ARFGEF2: variants seen among roughly 807,000 people sequenced by gnomAD.
ARFGEF2 encodes the protein brefeldin A-inhibited guanine nucleotide-exchange protein 2.
A neutral mutation model predicts 219.9 loss-of-function variants in ARFGEF2; 74 were observed. That is an observed-to-expected ratio of 0.34 (90% CI 0.28 to 0.41). ARFGEF2 has a LOEUF of 0.41. Among genes scored for constraint, ARFGEF2 ranks in the 10% least tolerant of loss-of-function variants. The pLI, the probability that ARFGEF2 is intolerant of heterozygous loss-of-function variation, is 1.00. For missense variants in ARFGEF2, 1,743 were observed against 2,218.3 expected, an observed-to-expected ratio of 0.79 and a Z score of 4.30; for synonymous variants, 733 against 799.2, an observed-to-expected ratio of 0.92 and a Z score of 1.40.
At chr20:48,954,532 T>A (rs2091094167) in intron 6 of ARFGEF2, among the ~76,000 whole-genome samples, 1 of 152,244 alleles carries the variant, frequency 6.6e-6, no homozygotes, top group Non-Finnish European at 1.5e-5. Flanking sequence ...ATACAAAATA[T>A]CTGACCTGTC....
chr20:49,025,882 C>T (rs931797297), intron 36 of ARFGEF2, among the ~76,000 whole-genome samples: 2 of 151,044 alleles, frequency 1.3e-5, no homozygotes, highest in Non-Finnish European at 2.9e-5. Context: ...CTTGGGAGGC[C>T]GAGGCAGGAG....
At chr20:49,005,002 T>C in intron 25 of ARFGEF2, 68 bp from the exon 26 acceptor site, 9 of 1,571,712 alleles carry the variant, frequency 5.7e-6, no homozygotes, top group Non-Finnish European at 7.9e-6. Flanking sequence ...CCATCTTTGC[T>C]GTTGAGAGAC....
intron 29 of ARFGEF2, 24 bp downstream of exon 29, chr20:49,013,718 C>T (rs1287418690): frequency 6.2e-7 from 1 of 1,613,940 alleles, no homozygotes; most frequent in Non-Finnish European, 8.5e-7. Flanking sequence ...CGTGCGGTGG[C>T]CCCTTACATC....
At chr20:48,934,564 C>T (rs896966309) in intron 1 of ARFGEF2, among the ~76,000 whole-genome samples, 2 of 152,228 alleles carry the variant, frequency 1.3e-5, no homozygotes, top group Admixed American at 1.3e-4. Context: ...TCCATGTGTT[C>T]TCATTGTTCA....
At chr20:49,011,807 T>G in intron 27 of ARFGEF2, 117 bp from the exon 28 acceptor site, 9 of 1,233,078 alleles carry the variant, frequency 7.3e-6, no homozygotes, top group Non-Finnish European at 1.1e-5. Flanking sequence ...TTCTTAGATT[T>G]TCACAGTTAA....
At chr20:49,011,030 C>A (rs952087992) in intron 27 of ARFGEF2, among the ~76,000 whole-genome samples, 3 of 152,074 alleles carry the variant, frequency 2.0e-5, no homozygotes, top group Admixed American at 6.6e-5. Flanking sequence ...TTTAAAATGC[C>A]CCCCCAAGCA....
At chr20:48,928,518 C>A (rs1460113635) in intron 1 of ARFGEF2, among the ~76,000 whole-genome samples, 2 of 108,750 alleles carry the variant, frequency 1.8e-5, no homozygotes, top group South Asian at 3.2e-4. Context: ...TTTTTTTGAG[C>A]CAGTCTCGCT....
intron 6 of ARFGEF2, among the ~76,000 whole-genome samples, chr20:48,957,061 G>A (rs932451): frequency 0.61 from 92,520 of 151,892 alleles, 28,296 homozygotes; most frequent in East Asian, 0.66. Flanking sequence ...TTTTTTCCCC[G>A]TTATTCTTAG....
intron 1 of ARFGEF2, among the ~76,000 whole-genome samples, chr20:48,936,045 TC>T (rs2090950910): frequency 7.6e-6 from 1 of 132,208 alleles, no homozygotes; most frequent in Admixed American, 7.8e-5. Flanking sequence ...GCCCCTCACT[TC>T]CCGCATGGGG....
intron 37 of ARFGEF2, 30 bp downstream of exon 37, chr20:49,028,698 T>C (rs1182958814): frequency 6.2e-7 from 1 of 1,602,906 alleles, no homozygotes. Flanking sequence ...ATTAGATTTC[T>C]ATCTGCTATA....
intron 23 of ARFGEF2, among the ~76,000 whole-genome samples, chr20:48,996,273 G>A (rs1303956779): frequency 1.3e-5 from 2 of 151,452 alleles, no homozygotes; most frequent in Non-Finnish European, 2.9e-5. Flanking sequence ...GGCTAACACA[G>A]TGAAACCCCG....
chr20:48,934,119 CAAAAAAAAAA>C (rs11476863), intron 1 of ARFGEF2, among the ~76,000 whole-genome samples: 65 of 56,164 alleles, frequency 1.2e-3, no homozygotes, highest in African/African-American at 4.2e-3. Context: ...GACTTCATCT[CAAAAAAAAAA>C]AAAAAAAAAA....
At chr20:49,032,593 ACTT>A (rs992615288) in intron 38 of ARFGEF2, among the ~76,000 whole-genome samples, 13 of 151,356 alleles carry the variant, frequency 8.6e-5, no homozygotes, top group African/African-American at 3.2e-4. Context: ...GGTTTCTTCA[ACTT>A]CTTTTTTTTT....
intron 30 of ARFGEF2, among the ~76,000 whole-genome samples, chr20:49,014,632 A>G (rs190704928): frequency 2.6e-5 from 4 of 152,292 alleles, no homozygotes; most frequent in African/African-American, 7.2e-5. Flanking sequence ...CATGGTTTAA[A>G]TATGATTCGG....
chr20:48,962,237 AATT>A (rs764666893), intron 6 of ARFGEF2, among the ~76,000 whole-genome samples: 5 of 152,224 alleles, frequency 3.3e-5, no homozygotes, highest in African/African-American at 4.8e-5. Flanking sequence ...GTTTATTACC[AATT>A]ATTATGTACT....
At chr20:48,966,164 T>A (rs2091185686) in intron 8 of ARFGEF2, 141 bp downstream of exon 8, 2 of 1,049,298 alleles carry the variant, frequency 1.9e-6, no homozygotes, top group Non-Finnish European at 2.9e-6. Context: ...GGGCTGATAT[T>A]CTTTGTATTA....
At chr20:48,996,784 T>C (rs2091392454) in intron 23 of ARFGEF2, among the ~76,000 whole-genome samples, 1 of 148,120 alleles carries the variant, frequency 6.8e-6, no homozygotes, top group Non-Finnish European at 1.5e-5. Flanking sequence ...GAGAGTTGGC[T>C]GAGTTGACAG....
chr20:48,929,617 G>A (rs887518275), intron 1 of ARFGEF2, among the ~76,000 whole-genome samples: 1 of 152,200 alleles, frequency 6.6e-6, no homozygotes, highest in African/African-American at 2.4e-5. Flanking sequence ...TGAACAGTGG[G>A]GTGAGGGAAG....
chr20:48,943,118 AAC>A (rs1161015087), intron 3 of ARFGEF2, among the ~76,000 whole-genome samples: 1 of 152,174 alleles, frequency 6.6e-6, no homozygotes, highest in African/African-American at 2.4e-5. Context: ...AAATGCAAAA[AAC>A]ACAGCACTAA....
Sources: allele counts gnomAD v4.1 joint callset (sites outside exome capture counted in the v4.1 genomes callset), GRCh38; gene constraint gnomAD v4.1.1; transcripts MANE v1.5; gene names NCBI Gene and HGNC (gene_info 2026-07-23, HGNC 2026-07-21).